CDS2: variants seen among roughly 807,000 people sequenced by gnomAD.
The protein encoded by CDS2 is CDP-diacylglycerol synthase 2, also known as phosphatidate cytidylyltransferase 2.
In CDS2, 47 loss-of-function variants were observed where a neutral mutation model predicts 59.0. The ratio of observed to expected loss-of-function variants is 0.80; its 90% CI spans 0.63 to 1.02. CDS2 has a LOEUF of 1.02. Ranked by LOEUF, CDS2 falls within the 50% of genes least tolerant of loss-of-function variation. The pLI is 0.00. For missense variants in CDS2, 356 were observed against 558.9 expected, an observed-to-expected ratio of 0.64 and a Z score of 3.66; for synonymous variants, 207 against 206.4, an observed-to-expected ratio of 1.00 and a Z score of -0.02.
rs1222209521 is a variant in CDS2 at position 5,197,155 on chromosome 20, A to G, written c.*6921A>G. On this transcript the variant is annotated 3_prime_UTR_variant, in exon 13 of 13. Coordinates refer to ENST00000460006, the MANE Select transcript of CDS2 (RefSeq NM_003818.4). ...TGATAATATATTTTAATTTTTATTGATGTTTAATACCTTCTGAAACAGGAG... is the reference window on the plus strand; with the variant it reads ...TGATAATATATTTTAATTTTTATTGGTGTTTAATACCTTCTGAAACAGGAG... The G allele has an allele frequency of 6.6e-6, 1 of 151,070 alleles. No individual in the cohort carries two copies. Among genetic ancestry groups the G allele is most frequent in the Non-Finnish European group, 1.5e-5 (1 of 67,816 alleles). The allele number at this position is 151,070 out of a possible 1,614,324, so 9.4% of individuals were successfully genotyped here.
intron 10 of CDS2, among the ~76,000 whole-genome samples, chr20:5,188,569 ATAAT>A (rs1200721554): frequency 6.6e-6 from 1 of 152,214 alleles, no homozygotes; most frequent in Non-Finnish European, 1.5e-5. Context: ...CTACATGTAT[ATAAT>A]TAGTTTCATA....
intron 1 of CDS2, among the ~76,000 whole-genome samples, chr20:5,129,095 C>G (rs1015142055): frequency 2.9e-4 from 44 of 152,230 alleles, no homozygotes; most frequent in African/African-American, 1.0e-3. Context: ...GCACTTATAT[C>G]ACTTATACAG....
chr20:5,173,051 G>A (rs181306067), intron 1 of CDS2, among the ~76,000 whole-genome samples: 53 of 152,300 alleles, frequency 3.5e-4, no homozygotes, highest in African/African-American at 1.3e-3. Context: ...GAGTGCTCTA[G>A]TGAAGTCCGG....
rs971254625 is a variant in CDS2 at position 5,178,845 on chromosome 20, T to A, written c.418T>A (p.Phe140Ile). The A allele has an allele frequency of 1.2e-5, 19 of 1,614,058 alleles. No homozygotes were observed. The highest frequency in any genetic ancestry group is 1.6e-5 in the Non-Finnish European group (19 of 1,180,038). ...WYFLLCVNYF[F>I]YGETVTDYFF... is the part of the protein sequence containing the mutation. ...CTTTCTCCTGTGTGTAAACTATTTC[T>A]TCTATGGTGAGACAGTGACGGATTA... Residue 140 changes from phenylalanine to isoleucine, a missense_variant, in exon 5 of 13, where the codon TTC becomes ATC. Physicochemically the swap from Phe to Ile is conservative, Grantham distance 21. Transcript: ENST00000460006.
At chr20:5,148,868 C>T (rs942149383) in intron 1 of CDS2, among the ~76,000 whole-genome samples, 5 of 152,190 alleles carry the variant, frequency 3.3e-5, no homozygotes, top group Non-Finnish European at 5.9e-5. Flanking sequence ...ACAGAATTCT[C>T]GGTACAGAGA....
At chr20:5,175,054 A>C (rs1355806697) in intron 2 of CDS2, 129 bp from the exon 3 acceptor site, 11 of 696,520 alleles carry the variant, frequency 1.6e-5, no homozygotes, top group Non-Finnish European at 1.0e-5. Flanking sequence ...TGCCTCCGTC[A>C]CGGTGAATCT....
At chr20:5,140,123 A>G (rs2090682203) in intron 1 of CDS2, among the ~76,000 whole-genome samples, 1 of 152,044 alleles carries the variant, frequency 6.6e-6, no homozygotes, top group South Asian at 2.1e-4. Flanking sequence ...AAATGATCAT[A>G]TGGTTTTTGT....
At chr20:5,149,281 C>T (rs2090769963) in intron 1 of CDS2, among the ~76,000 whole-genome samples, 1 of 151,474 alleles carries the variant, frequency 6.6e-6, no homozygotes, top group African/African-American at 2.4e-5. Context: ...TTTAAATATA[C>T]ATGCTATTTG....
intron 1 of CDS2, among the ~76,000 whole-genome samples, chr20:5,137,887 C>G (rs1275544996): frequency 6.6e-6 from 1 of 151,836 alleles, no homozygotes; most frequent in East Asian, 2.0e-4. Flanking sequence ...CAAGCTCCGA[C>G]TCCCGGGTTC....
At chr20:5,146,767 A>C (rs1341036880) in intron 1 of CDS2, among the ~76,000 whole-genome samples, 1 of 152,218 alleles carries the variant, frequency 6.6e-6, no homozygotes, top group African/African-American at 2.4e-5. Flanking sequence ...ATGACCAAAA[A>C]CTAAATATAA....
In CDS2 at chr20:5,157,919, T is replaced by C. The variant is rs115773821; in HGVS notation, c.58-15604T>C. Among the ~76,000 whole-genome samples, 770 of 152,332 alleles carry C rather than the reference T, an allele frequency of 5.1e-3. 8 individuals carry two copies. The highest frequency in any genetic ancestry group is 0.018 in the African/African-American group (746 of 41,574). ...GTGGCAGGCACTTATTTCACTTCTT[T>C]CTGAAGGAGCTTGTTACTGACAGAT... On this transcript the variant is annotated intron_variant, in intron 1 of 12. Coordinates refer to ENST00000460006, the MANE Select transcript of CDS2 (RefSeq NM_003818.4).
intron 1 of CDS2, among the ~76,000 whole-genome samples, chr20:5,133,043 C>T (rs1480896018): frequency 6.6e-6 from 1 of 150,910 alleles, no homozygotes; most frequent in African/African-American, 2.4e-5. Flanking sequence ...GGTGTGGTGG[C>T]GCCCGTAGTC....
chr20:5,142,416 C>G (rs750072029), intron 1 of CDS2, among the ~76,000 whole-genome samples: 1 of 151,820 alleles, frequency 6.6e-6, no homozygotes, highest in East Asian at 1.9e-4. Context: ...CACTGCATTC[C>G]GACCTGGGTA....
At chr20:5,176,437 G>A (rs2090995730) in intron 3 of CDS2, 1 of 540,482 alleles carries the variant, frequency 1.9e-6, no homozygotes, top group Non-Finnish European at 3.3e-6. Flanking sequence ...ATTTTATTGT[G>A]AGTGGAAAAT....
chr20:5,152,061 G>A (rs979739414), intron 1 of CDS2, among the ~76,000 whole-genome samples: 12 of 148,138 alleles, frequency 8.1e-5, no homozygotes, highest in African/African-American at 2.5e-4. Flanking sequence ...ACTGCGCCTG[G>A]TCTGACTCCA....
intron 1 of CDS2, among the ~76,000 whole-genome samples, chr20:5,152,673 G>C (rs1346848931): frequency 1.3e-5 from 2 of 152,170 alleles, no homozygotes; most frequent in Non-Finnish European, 2.9e-5. Context: ...AACTCGGGAG[G>C]CGGAGGTTGC....
intron 4 of CDS2, 112 bp from the exon 5 acceptor site, chr20:5,178,705 C>A: frequency 9.2e-7 from 1 of 1,083,702 alleles, no homozygotes; most frequent in South Asian, 1.4e-5. Flanking sequence ...TCCCGGGGGA[C>A]TCAAGGGTGG....
intron 1 of CDS2, among the ~76,000 whole-genome samples, chr20:5,167,144 C>T (rs2090918916): frequency 6.6e-6 from 1 of 152,184 alleles, no homozygotes; most frequent in South Asian, 2.1e-4. Context: ...TACCAAGTCC[C>T]CTGTGGTCCT....
chr20:5,131,026 G>A (rs2090602838), intron 1 of CDS2, among the ~76,000 whole-genome samples: 1 of 151,314 alleles, frequency 6.6e-6, no homozygotes. Context: ...CTGGGAGGCG[G>A]AGCTTGCAGT....
Sources: gnomAD v4.1 joint callset for allele counts (sites outside exome capture counted in the v4.1 genomes callset) on GRCh38, gnomAD v4.1.1 for gene constraint, MANE v1.5 for transcripts, NCBI Gene and HGNC (gene_info 2026-07-23, HGNC 2026-07-21) for gene names.